The following GRM7 variants were observed in gnomAD, a reference collection of about 807,000 sequenced individuals.
GRM7 encodes metabotropic glutamate receptor 7.
GRM7 carries 35 observed loss-of-function variants against 84.5 expected under a neutral mutation model. The observed-to-expected ratio is 0.41, with a 90% CI of 0.32 to 0.55. The LOEUF (loss-of-function observed/expected upper bound fraction) is 0.55, where lower values mean the gene tolerates loss of function less well. GRM7 is among the 20% of genes least tolerant of loss of function. The pLI is 0.19. For synonymous variants in GRM7, 487 were observed against 455.1 expected, an observed-to-expected ratio of 1.07 and a Z score of -0.89; for missense variants, 1,003 against 1,194.6, an observed-to-expected ratio of 0.84 and a Z score of 2.36.
intron 4 of GRM7, among the ~76,000 whole-genome samples, chr3:7,408,923 T>G (rs1695796144): frequency 6.6e-6 from 1 of 152,212 alleles, no homozygotes; most frequent in Admixed American, 6.5e-5. Flanking sequence ...TTTCCAAATA[T>G]CCAACTGGTT....
intron 2 of GRM7, among the ~76,000 whole-genome samples, chr3:7,217,506 A>G (rs1338531651): frequency 6.6e-6 from 1 of 152,184 alleles, no homozygotes; most frequent in Non-Finnish European, 1.5e-5. Context: ...TATTTCACTT[A>G]GAATGCATTT....
intron 1 of GRM7, among the ~76,000 whole-genome samples, chr3:7,133,773 C>T (rs1693680231): frequency 6.6e-6 from 1 of 152,082 alleles, no homozygotes; most frequent in Non-Finnish European, 1.5e-5. Context: ...AGGTTACTGA[C>T]CGGCAAGAGT....
intron 5 of GRM7, among the ~76,000 whole-genome samples, chr3:7,433,089 C>T (rs538934144): frequency 1.3e-5 from 2 of 152,196 alleles, no homozygotes; most frequent in South Asian, 4.1e-4. Flanking sequence ...CTTCTATGGA[C>T]ACAATAATGG....
At chr3:7,644,153 C>T (rs1298104793) in intron 8 of GRM7, among the ~76,000 whole-genome samples, 32 of 100,482 alleles carry the variant, frequency 3.2e-4, no homozygotes, top group Non-Finnish European at 5.1e-4. Context: ...TATGTCTGTA[C>T]GTATATATAT....
chr3:7,218,529 G>A lies in GRM7; in HGVS notation c.736+71861G>A, dbSNP rs981212740. On this transcript the variant is annotated intron_variant, in intron 2 of 9. Coordinates refer to ENST00000357716, the MANE Select transcript of GRM7 (RefSeq NM_000844.4). ...GGGTGGGAATAGATGACATATAAAA[G>A]CTTAAAAGGAAAGGTAAAATTTACC... Among the ~76,000 whole-genome samples the A allele has an allele frequency of 2.0e-5, 3 of 152,004 alleles. No homozygotes were observed. The East Asian group carries it at 5.8e-4, about 29-fold the overall frequency.
At chr3:7,090,081 G>A (rs1274822644) in intron 1 of GRM7, among the ~76,000 whole-genome samples, 4 of 152,278 alleles carry the variant, frequency 2.6e-5, no homozygotes, top group African/African-American at 9.6e-5. Context: ...GACCTCAGGT[G>A]ATCCACCAGC....
intron 1 of GRM7, among the ~76,000 whole-genome samples, chr3:7,061,828 G>A (rs1335219960): frequency 6.6e-6 from 1 of 151,682 alleles, no homozygotes; most frequent in Non-Finnish European, 1.5e-5. Flanking sequence ...TAAAGTTCAA[G>A]GAATTTAAGT....
intron 3 of GRM7, among the ~76,000 whole-genome samples, chr3:7,305,721 C>T (rs914097360): frequency 6.6e-6 from 1 of 151,920 alleles, no homozygotes; most frequent in African/African-American, 2.4e-5. Context: ...AATCTTTGAC[C>T]CAATCTTCCT....
At chr3:7,229,753 A>ATTTTTTTTTTT (rs1179627514) in intron 2 of GRM7, among the ~76,000 whole-genome samples, 7 of 29,290 alleles carry the variant, frequency 2.4e-4, no homozygotes, top group African/African-American at 7.8e-4. Context: ...ATATATATAT[A>ATTTTTTTTTTT]TATATATTTT....
chr3:7,309,371 A>G (rs1297743210), intron 4 of GRM7, among the ~76,000 whole-genome samples: 1 of 152,152 alleles, frequency 6.6e-6, no homozygotes, highest in African/African-American at 2.4e-5. Context: ...GTCCTTCCCT[A>G]CAGTCATTTG....
intron 2 of GRM7, among the ~76,000 whole-genome samples, chr3:7,232,168 G>A (rs1457097814): frequency 6.6e-6 from 1 of 151,998 alleles, no homozygotes; most frequent in African/African-American, 2.4e-5. Flanking sequence ...TAGCACACAT[G>A]TATGCTAGGG....
intron 4 of GRM7, among the ~76,000 whole-genome samples, chr3:7,380,779 G>A (rs1156848874): frequency 1.3e-5 from 2 of 152,148 alleles, no homozygotes; most frequent in African/African-American, 4.8e-5. Flanking sequence ...AGGTCATGAA[G>A]GTTCAGCACT....
intron 4 of GRM7, among the ~76,000 whole-genome samples, 173 bp downstream of exon 4, chr3:7,306,825 T>C (rs1487887305): frequency 6.6e-6 from 1 of 152,204 alleles, no homozygotes; most frequent in Admixed American, 6.5e-5. Flanking sequence ...TTCTTTTAGT[T>C]GAAATTCCTC....
intron 5 of GRM7, among the ~76,000 whole-genome samples, chr3:7,446,694 AG>A (rs1697529566): frequency 6.6e-6 from 1 of 151,848 alleles, no homozygotes; most frequent in Non-Finnish European, 1.5e-5. Flanking sequence ...TCCTGACCTC[AG>A]GTGATCTGCC....
intron 7 of GRM7, among the ~76,000 whole-genome samples, chr3:7,564,080 C>T (rs1018212916): frequency 2.0e-5 from 3 of 152,080 alleles, no homozygotes; most frequent in African/African-American, 4.8e-5. Context: ...GGACCCAACA[C>T]GGATGACTTT....
chr3:7,352,135 C>A (rs544754949), intron 4 of GRM7, among the ~76,000 whole-genome samples: 5 of 149,960 alleles, frequency 3.3e-5, no homozygotes, highest in Non-Finnish European at 7.4e-5. Context: ...AGAACCCTGA[C>A]TAATATTTGG....
intron 1 of GRM7, among the ~76,000 whole-genome samples, chr3:6,904,376 A>C (rs1248190966): frequency 4.6e-5 from 7 of 152,114 alleles, no homozygotes; most frequent in Non-Finnish European, 1.0e-4. Context: ...TCTGCCACAT[A>C]CTTCTTAGGT....
chr3:7,726,824 A>T (rs1414964892), intron 9 of GRM7, among the ~76,000 whole-genome samples: 1 of 150,970 alleles, frequency 6.6e-6, no homozygotes. Context: ...ATTATTTACT[A>T]TAAAGTCAAG....
intron 7 of GRM7, among the ~76,000 whole-genome samples, chr3:7,573,478 CTCCA>C (rs1461752494): frequency 6.6e-6 from 1 of 152,116 alleles, no homozygotes; most frequent in Non-Finnish European, 1.5e-5. Context: ...CAGATCTCTT[CTCCA>C]TAAAAATGGA....
Sources: gnomAD v4.1 joint callset for allele counts (sites outside exome capture counted in the v4.1 genomes callset) on GRCh38, gnomAD v4.1.1 for gene constraint, MANE v1.5 for transcripts, NCBI Gene and HGNC (gene_info 2026-07-23, HGNC 2026-07-21) for gene names.